NLGN1: variants seen among roughly 807,000 people sequenced by gnomAD.
The protein encoded by NLGN1 is neuroligin-1.
Under a neutral mutation model 65.5 loss-of-function variants are expected in NLGN1, and 12 were observed. The ratio of observed to expected loss-of-function variants is 0.18; its 90% CI spans 0.12 to 0.30. The LOEUF (loss-of-function observed/expected upper bound fraction) is 0.30, where lower values mean the gene tolerates loss of function less well. NLGN1 is among the 10% of genes least tolerant of loss of function. NLGN1 has a pLI of 1.00. For missense variants in NLGN1, 750 were observed against 1,007.1 expected (o/e 0.74, Z 3.46); for synonymous variants, 350 against 359.5 (o/e 0.97, Z 0.30).
At chr3:173,461,369 T>G (rs1002859328) in intron 2 of NLGN1, among the ~76,000 whole-genome samples, 5 of 152,122 alleles carry the variant, frequency 3.3e-5, no homozygotes, top group Non-Finnish European at 5.9e-5. Context: ...TTATTTTTTT[T>G]TTGTTCTTGC....
downstream of NLGN1, among the ~76,000 whole-genome samples, chr3:174,288,413 A>T (rs569367215): frequency 5.3e-5 from 8 of 151,574 alleles, no homozygotes; most frequent in African/African-American, 1.9e-4. Flanking sequence ...CTATCATTGA[A>T]CACTGCCATG....
rs112782922 is a variant in NLGN1 at position 173,689,236 on chromosome 3, A to G, written c.493+84145A>G. Among the ~76,000 whole-genome samples, 1,218 of 152,216 alleles carry G rather than the reference A, an allele frequency of 8.0e-3. 16 individuals carry two copies. Among genetic ancestry groups the G allele is most frequent in the African/African-American group, 0.028 (1,166 of 41,528 alleles). The stretch of plus-strand genomic sequence containing the variant: ...GGGACTGTGCTTGCAGCATGGCGAA[A>G]TCAAACCCAACATCACCCCCTCTGA... On this transcript the variant is annotated intron_variant, in intron 3 of 6. Transcript: ENST00000457714.
At chr3:174,027,841 C>T (rs75929162) in intron 4 of NLGN1, among the ~76,000 whole-genome samples, 37 of 152,232 alleles carry the variant, frequency 2.4e-4, no homozygotes, top group South Asian at 1.7e-3. Flanking sequence ...ATATCTGATA[C>T]GGTTTGGCTG....
chr3:173,503,195 A>G (rs1731441851), intron 2 of NLGN1, among the ~76,000 whole-genome samples: 1 of 152,062 alleles, frequency 6.6e-6, no homozygotes, highest in Non-Finnish European at 1.5e-5. Flanking sequence ...ATATCCAATT[A>G]CTGGAAGACT....
Position 173,417,389 on chromosome 3 carries a change from T to C in NLGN1, c.-389-17621T>C, listed in dbSNP as rs150028669. 3.3e-3 allele frequency among the ~76,000 whole-genome samples: 495 copies of C among 152,064 alleles called. 3 individuals are homozygous for C. The highest frequency in any genetic ancestry group is 0.011 in the African/African-American group (470 of 41,578). On this transcript the variant is annotated intron_variant, in intron 1 of 6. Coordinates refer to ENST00000457714, the Ensembl canonical transcript of NLGN1. ...ATTTTTAAAATGTCTTGGTATGTGATACTTGAACTTAATTCTCTAAATAAT... is the reference window on the plus strand; with the variant it reads ...ATTTTTAAAATGTCTTGGTATGTGACACTTGAACTTAATTCTCTAAATAAT...
intron 4 of NLGN1, among the ~76,000 whole-genome samples, chr3:173,964,973 A>G (rs1468621609): frequency 6.6e-6 from 1 of 152,184 alleles, no homozygotes; most frequent in Non-Finnish European, 1.5e-5. Context: ...ATTCACAGTT[A>G]TAAGTAGCTA....
chr3:173,650,252 G>C (rs1335800116), intron 3 of NLGN1, among the ~76,000 whole-genome samples: 1 of 151,948 alleles, frequency 6.6e-6, no homozygotes, highest in East Asian at 1.9e-4. Flanking sequence ...GCTTCCTATG[G>C]ATGGCATCCT....
chr3:173,754,617 C>T (rs569264943), intron 3 of NLGN1, among the ~76,000 whole-genome samples: 4 of 152,044 alleles, frequency 2.6e-5, no homozygotes, highest in African/African-American at 9.7e-5. Context: ...ATAGTAGACA[C>T]TCCATAAATA....
chr3:173,549,020 T>G lies in NLGN1; in HGVS notation c.-320-55259T>G, dbSNP rs138651110. On this transcript the variant is annotated intron_variant, in intron 2 of 6. Coordinates refer to ENST00000457714, the Ensembl canonical transcript of NLGN1. ...ACTCCTTACGAATTGTGGATATATATTTCTATATTATGTCATTTTTACCAC... is the reference window on the plus strand; with the variant it reads ...ACTCCTTACGAATTGTGGATATATAGTTCTATATTATGTCATTTTTACCAC... 4.7e-3 allele frequency among the ~76,000 whole-genome samples: 715 copies of G among 152,086 alleles called. 7 individuals are homozygous for G. The highest frequency in any genetic ancestry group is 0.017 in the African/African-American group (686 of 41,544).
chr3:174,135,886 A>G (rs906828559), intron 4 of NLGN1, among the ~76,000 whole-genome samples: 1 of 152,164 alleles, frequency 6.6e-6, no homozygotes, highest in Non-Finnish European at 1.5e-5. Context: ...TGGTGAAATA[A>G]TAAAATGGGA....
intron 2 of NLGN1, among the ~76,000 whole-genome samples, chr3:173,536,833 G>A (rs1035686312): frequency 5.9e-5 from 9 of 151,978 alleles, no homozygotes; most frequent in African/African-American, 2.2e-4. Flanking sequence ...GATTATAGAG[G>A]CTGACATGTC....
intron 4 of NLGN1, among the ~76,000 whole-genome samples, chr3:173,837,258 A>T (rs1011729965): frequency 1.5e-4 from 23 of 152,170 alleles, no homozygotes; most frequent in African/African-American, 4.6e-4. Context: ...TTTAATAAAG[A>T]CAAAAGATGT....
intron 2 of NLGN1, among the ~76,000 whole-genome samples, chr3:173,533,504 C>T (rs956512375): frequency 1.3e-5 from 2 of 152,094 alleles, no homozygotes; most frequent in African/African-American, 4.8e-5. Context: ...CTTGGTTCTT[C>T]TGGAAAATAA....
At chr3:174,133,446 A>T (rs950339152) in intron 4 of NLGN1, among the ~76,000 whole-genome samples, 1 of 152,122 alleles carries the variant, frequency 6.6e-6, no homozygotes, top group African/African-American at 2.4e-5. Context: ...AGTCTAAGAA[A>T]TTCAGTATTA....
intron 3 of NLGN1, among the ~76,000 whole-genome samples, chr3:173,740,342 C>T (rs1038754907): frequency 6.6e-6 from 1 of 152,066 alleles, no homozygotes; most frequent in Non-Finnish European, 1.5e-5. Flanking sequence ...TATGAATTCT[C>T]TGTTATTTAA....
chr3:173,875,059 A>G (rs1731864860), intron 4 of NLGN1, among the ~76,000 whole-genome samples: 1 of 152,172 alleles, frequency 6.6e-6, no homozygotes, highest in Non-Finnish European at 1.5e-5. Context: ...TATTGGGGGT[A>G]TAAATCACAT....
chr3:174,153,834 AT>A (rs1553948323), intron 4 of NLGN1, among the ~76,000 whole-genome samples: 3 of 151,984 alleles, frequency 2.0e-5, no homozygotes, highest in Non-Finnish European at 2.9e-5. Context: ...CTCTACAAAA[AT>A]TTTTTTTAAG....
intron 3 of NLGN1, among the ~76,000 whole-genome samples, chr3:173,651,723 AT>A (rs909728602): frequency 6.0e-5 from 9 of 151,060 alleles, no homozygotes; most frequent in South Asian, 2.1e-4. Context: ...GATGTTGAGC[AT>A]TTTTTTTTAT....
At chr3:174,232,380 A>T (rs536281076) in intron 4 of NLGN1, among the ~76,000 whole-genome samples, 2 of 152,204 alleles carry the variant, frequency 1.3e-5, no homozygotes, top group East Asian at 3.9e-4. Flanking sequence ...GGCCATCTGG[A>T]TGTGTACGTG....
Sources: gnomAD v4.1 joint callset for allele counts (sites outside exome capture counted in the v4.1 genomes callset) on GRCh38, gnomAD v4.1.1 for gene constraint, MANE v1.5 for transcripts, NCBI Gene and HGNC (gene_info 2026-07-23, HGNC 2026-07-21) for gene names.